Variants in TRAPPC8 observed in about 807,000 individuals in gnomAD.
TRAPPC8 encodes trafficking protein particle complex subunit 8, also known as general sporulation gene 1 homolog.
TRAPPC8 carries 54 observed loss-of-function variants against 174.3 expected under a neutral mutation model. The observed-to-expected ratio is 0.31, with a 90% CI of 0.25 to 0.39. TRAPPC8 has a LOEUF of 0.39. TRAPPC8 is among the 10% of genes least tolerant of loss of function. The pLI, the probability that TRAPPC8 is intolerant of heterozygous loss-of-function variation, is 1.00. For missense variants in TRAPPC8, 1,531 were observed against 1,699.1 expected (o/e 0.90, Z 1.74); for synonymous variants, 630 against 579.9 (o/e 1.09, Z -1.24).
In TRAPPC8 at chr18:31,830,821, T is replaced by G; in HGVS notation, c.4242A>C (p.Gln1414His). The change falls in exon 29 of 29, where the codon CAA becomes CAC. Residue 1414 changes from glutamine to histidine, a missense_variant. Transcript: ENST00000283351. The stretch of plus-strand genomic sequence containing the variant: ...GCTGACTTGTTTCAAACACTGTAAC[T>G]TGGTCCGATAACTTGGCAAATACCC... Reference protein sequence around the residue: ...TPRVFAKLSDQVTVFETSQQN... With the variant: ...TPRVFAKLSDHVTVFETSQQN... 3.1e-6 allele frequency: 5 copies of G among 1,614,172 alleles called. No homozygotes were observed. The highest frequency in any genetic ancestry group is 4.2e-6 in the Non-Finnish European group (5 of 1,180,038).
At chr18:31,870,818 T>A in intron 15 of TRAPPC8, 108 bp downstream of exon 15, 1 of 1,086,914 alleles carries the variant, frequency 9.2e-7, no homozygotes, top group Non-Finnish European at 1.3e-6. Flanking sequence ...AGTTCCTAAT[T>A]TATTTTTGCA....
chr18:31,903,525 T>C (rs78478690), intron 9 of TRAPPC8, among the ~76,000 whole-genome samples: 9,080 of 152,238 alleles, frequency 0.06, 288 homozygotes, highest in Middle Eastern at 0.11. Flanking sequence ...AACAGACCAA[T>C]GATGGATCAC....
rs2036787027 is a variant in TRAPPC8, at chr18:31,908,935, C to T, written c.941G>A (p.Gly314Asp). ...QSSDPSNSID[G>D]PDHLRSASSL... ...TGAAGCAGATCTTAGATGATCTGGGCCATCAATACTGTTAGAAGGGTCACT... is the reference window on the plus strand; with the variant it reads ...TGAAGCAGATCTTAGATGATCTGGGTCATCAATACTGTTAGAAGGGTCACT... The change falls in exon 7 of 29, where the codon GGC becomes GAC. Residue 314 changes from glycine (G) to aspartate (D), a missense_variant. By Grantham distance (94) the Gly-to-Asp change is moderately conservative (BLOSUM62 -1). Transcript: ENST00000283351. 3.1e-6 allele frequency: 5 copies of T among 1,613,480 alleles called. No individual in the cohort carries two copies. The highest frequency in any genetic ancestry group is 1.6e-4 in the Middle Eastern group (1 of 6,082).
intron 11 of TRAPPC8, among the ~76,000 whole-genome samples, chr18:31,892,993 G>A (rs1013159781): frequency 4.0e-5 from 6 of 150,226 alleles, no homozygotes; most frequent in African/African-American, 7.4e-5. Context: ...CTCCAGCCTT[G>A]GTGAACGAAT....
chr18:31,876,011 T>C (rs1311417336), intron 12 of TRAPPC8, among the ~76,000 whole-genome samples: 1 of 152,174 alleles, frequency 6.6e-6, no homozygotes, highest in African/African-American at 2.4e-5. Flanking sequence ...AGGGTGACTA[T>C]AGTTTACAAC....
intron 16 of TRAPPC8, among the ~76,000 whole-genome samples, chr18:31,869,270 G>A (rs991296819): frequency 2.6e-5 from 4 of 152,000 alleles, no homozygotes. Context: ...TTTTGAATAG[G>A]CAATTCACAA....
rs2032309350 is a variant in TRAPPC8, at chr18:31,830,725, T to C, written c.*30A>G. ...AAACCCATCCAGCAAAAACTGATTA[T>C]TGTGGATTTCAGTACAAATTTCCAA... On this transcript the variant is annotated 3_prime_UTR_variant, in exon 29 of 29. Coordinates refer to ENST00000283351, the MANE Select transcript of TRAPPC8 (RefSeq NM_014939.5). 2 of 1,588,076 alleles carry C rather than the reference T, an allele frequency of 1.3e-6. No individual in the cohort carries two copies. The highest frequency in any genetic ancestry group is 1.7e-5 in the Admixed American group (1 of 58,948).
intron 12 of TRAPPC8, among the ~76,000 whole-genome samples, chr18:31,878,641 C>T (rs1043516595): frequency 6.6e-6 from 1 of 152,070 alleles, no homozygotes; most frequent in African/African-American, 2.4e-5. Context: ...AAATACAAAA[C>T]CTCACTTATC....
At chr18:31,935,548 T>TGAGAAAAAAAAAAAAAA (rs745488703) in intron 1 of TRAPPC8, among the ~76,000 whole-genome samples, 1 of 46,286 alleles carries the variant, frequency 2.2e-5, no homozygotes, top group Admixed American at 3.5e-4. Flanking sequence ...AACTCCATCT[T>TGAGAAAAAAAAAAAAAA]AAAAAAAAAA....
intron 9 of TRAPPC8, among the ~76,000 whole-genome samples, chr18:31,904,087 T>C (rs1369674977): frequency 2.0e-5 from 3 of 152,004 alleles, no homozygotes; most frequent in Non-Finnish European, 2.9e-5. Flanking sequence ...AATATAAAAA[T>C]TAGCCACACG....
At chr18:31,939,332 T>G (rs2144326049) in intron 1 of TRAPPC8, 1 of 152,172 alleles carries the variant, frequency 6.6e-6, no homozygotes, top group Non-Finnish European at 1.5e-5. Flanking sequence ...CTCCAAAACT[T>G]TCAACTCATT....
intron 5 of TRAPPC8, 114 bp from the exon 6 acceptor site, chr18:31,909,874 C>T: frequency 1.6e-6 from 1 of 626,642 alleles, no homozygotes; most frequent in Non-Finnish European, 2.5e-6. Context: ...CATTTATTTG[C>T]TACAGTGAGC....
At chr18:31,913,662 CA>C in intron 4 of TRAPPC8, 140 bp from the exon 5 acceptor site, 3 of 641,930 alleles carry the variant, frequency 4.7e-6, no homozygotes, top group Non-Finnish European at 7.2e-6. Flanking sequence ...TAAAAGAGGA[CA>C]TAAGAATTAT....
At position 31,857,857 on chromosome 18, in the gene TRAPPC8, G is replaced by T; in HGVS notation, c.2871C>A (p.Phe957Leu). Residue 957 changes from phenylalanine (F) to leucine (L), a missense_variant, in exon 20 of 29, where the codon TTC (phenylalanine) becomes TTA (leucine). Physicochemically the swap from Phe to Leu is conservative, Grantham distance 22. Transcript: ENST00000283351. Reference sequence around the variant, plus strand: ...CAGCAGTATTACCACCGAAAGTAAAGAACTCTGGACGTTTAGAAACAACCT... The same window carrying T: ...CAGCAGTATTACCACCGAAAGTAAATAACTCTGGACGTTTAGAAACAACCT... Reference protein sequence around the residue: ...GLKVVSKRPEFFTFGGNTAVL... With the variant: ...GLKVVSKRPELFTFGGNTAVL... 3 of 1,614,194 alleles carry T rather than the reference G, an allele frequency of 1.9e-6. No individual in the cohort carries two copies. Among genetic ancestry groups the T allele is most frequent in the Non-Finnish European group, 2.5e-6 (3 of 1,180,032 alleles).
intron 2 of TRAPPC8, among the ~76,000 whole-genome samples, chr18:31,925,659 G>A (rs2037584587): frequency 6.6e-6 from 1 of 152,160 alleles, no homozygotes; most frequent in South Asian, 2.1e-4. Flanking sequence ...AAGCTACTCA[G>A]TAAAATAAGT....
chr18:31,882,126 T>C (rs1322648308), intron 12 of TRAPPC8, among the ~76,000 whole-genome samples: 1 of 152,122 alleles, frequency 6.6e-6, no homozygotes, highest in Non-Finnish European at 1.5e-5. Flanking sequence ...AAAAGTAAAT[T>C]GTTCTACCAA....
intron 5 of TRAPPC8, among the ~76,000 whole-genome samples, chr18:31,911,756 C>CAAAAA (rs71177805): frequency 4.8e-5 from 3 of 62,982 alleles, no homozygotes; most frequent in Admixed American, 4.8e-4. Context: ...GACTCCGTCT[C>CAAAAA]AAAAAAAAAA....
chr18:31,940,840 TAGAC>T (rs1248892540), intron 1 of TRAPPC8, among the ~76,000 whole-genome samples: 1 of 152,186 alleles, frequency 6.6e-6, no homozygotes, highest in Non-Finnish European at 1.5e-5. Context: ...ATATTTCAAT[TAGAC>T]AGCACTGCTC....
Position 31,876,489 on chromosome 18 carries a change from C to CAAAAAAAAAAAAAAAAA in TRAPPC8, c.1729-1802_1729-1786dup, listed in dbSNP as rs71175801. 8.8e-3 allele frequency among the ~76,000 whole-genome samples: 427 copies of CAAAAAAAAAAAAAAAAA among 48,698 alleles called. 73 individuals are homozygous for CAAAAAAAAAAAAAAAAA. Among genetic ancestry groups the CAAAAAAAAAAAAAAAAA allele is most frequent in the African/African-American group, 0.014 (152 of 10,616 alleles). The allele number at this position is 48,698 out of a possible 152,430, so 31.9% of individuals were successfully genotyped here. ...TGGGCTACACTGCGAGACTCCATCT[C>CAAAAAAAAAAAAAAAAA]AAAAAAAAAAAAAAAAAAAAAAAGA... On this transcript the variant is annotated intron_variant, in intron 12 of 28. Transcript: ENST00000283351.
Sources: allele counts gnomAD v4.1 joint callset (sites outside exome capture counted in the v4.1 genomes callset), GRCh38; gene constraint gnomAD v4.1.1; transcripts MANE v1.5; gene names NCBI Gene and HGNC (gene_info 2026-07-23, HGNC 2026-07-21).